Variants in SORCS3 observed in about 807,000 individuals in gnomAD.
The protein encoded by SORCS3 is VPS10 domain-containing receptor SorCS3.
A neutral mutation model predicts 146.3 loss-of-function variants in SORCS3; 57 were observed. That is an observed-to-expected ratio of 0.39 (90% CI 0.31 to 0.49). The LOEUF is 0.49. SORCS3 is among the 20% of genes least tolerant of loss of function. The pLI, the probability that SORCS3 is intolerant of heterozygous loss-of-function variation, is 0.92. For synonymous variants in SORCS3, 653 were observed against 618.5 expected, an observed-to-expected ratio of 1.06 and a Z score of -0.83; for missense variants, 1,341 against 1,575.5, an observed-to-expected ratio of 0.85 and a Z score of 2.52.
intron 4 of SORCS3, among the ~76,000 whole-genome samples, chr10:104,977,730 C>CTTTTTTTTTTT (rs796233007): frequency 7.1e-4 from 87 of 122,844 alleles, no homozygotes; most frequent in East Asian, 1.2e-3. Context: ...CTTTTCTTTT[C>CTTTTTTTTTTT]TTTTTTTTTT....
At chr10:104,768,822 A>G (rs2017212867) in intron 1 of SORCS3, among the ~76,000 whole-genome samples, 2 of 152,176 alleles carry the variant, frequency 1.3e-5, no homozygotes, top group Non-Finnish European at 2.9e-5. Flanking sequence ...ATGACACTGG[A>G]GTGACCTGTC....
intron 1 of SORCS3, among the ~76,000 whole-genome samples, chr10:104,822,628 G>T (rs1184746095): frequency 1.3e-5 from 2 of 152,110 alleles, no homozygotes; most frequent in Non-Finnish European, 2.9e-5. Context: ...TGGGAATATT[G>T]GTGAGGCTGC....
intron 3 of SORCS3, among the ~76,000 whole-genome samples, chr10:104,969,319 G>GTT (rs1394874448): frequency 3.3e-5 from 5 of 150,614 alleles, no homozygotes; most frequent in African/African-American, 1.2e-4. Flanking sequence ...GTGTGTGTGT[G>GTT]TGTGTGTGTG....
intron 25 of SORCS3, among the ~76,000 whole-genome samples, chr10:105,258,011 T>C (rs1391572514): frequency 1.3e-5 from 2 of 152,190 alleles, no homozygotes; most frequent in African/African-American, 4.8e-5. Flanking sequence ...ATAATGCTTT[T>C]AGGTTTTGGT....
intron 1 of SORCS3, among the ~76,000 whole-genome samples, chr10:104,791,186 G>A (rs17186548): frequency 0.16 from 23,822 of 152,188 alleles, 2,321 homozygotes; most frequent in Middle Eastern, 0.29. Flanking sequence ...GTCTGAGAAA[G>A]GCTAGAAAAG....
At chr10:104,667,114 T>TC (rs1167083299) in intron 1 of SORCS3, among the ~76,000 whole-genome samples, 6 of 152,326 alleles carry the variant, frequency 3.9e-5, no homozygotes, top group Admixed American at 6.5e-5. Context: ...CATGATGCTT[T>TC]CAGTGAGGAG....
intron 1 of SORCS3, among the ~76,000 whole-genome samples, chr10:104,710,507 G>C (rs973463801): frequency 6.6e-6 from 1 of 152,210 alleles, no homozygotes; most frequent in African/African-American, 2.4e-5. Context: ...CCATGAAGAA[G>C]AGCAAAGCAA....
chr10:105,145,600 C>T (rs984678692), intron 8 of SORCS3, among the ~76,000 whole-genome samples: 5 of 152,084 alleles, frequency 3.3e-5, no homozygotes, highest in East Asian at 1.9e-4. Flanking sequence ...GAATTTAATT[C>T]GTATTTCCTG....
chr10:104,816,430 T>C (rs1214840769), intron 1 of SORCS3, among the ~76,000 whole-genome samples: 2 of 152,218 alleles, frequency 1.3e-5, no homozygotes, highest in African/African-American at 4.8e-5. Context: ...CTTTGGTGGG[T>C]CTTAGACTAA....
At chr10:104,797,229 G>T (rs1328528457) in intron 1 of SORCS3, among the ~76,000 whole-genome samples, 1 of 152,158 alleles carries the variant, frequency 6.6e-6, no homozygotes, top group African/African-American at 2.4e-5. Context: ...TGACAGAAAA[G>T]AATAATTAGC....
chr10:104,964,451 A>G (rs1379916834), intron 3 of SORCS3, among the ~76,000 whole-genome samples: 1 of 152,124 alleles, frequency 6.6e-6, no homozygotes, highest in Non-Finnish European at 1.5e-5. Flanking sequence ...CTGATATGCC[A>G]CATGTTTTAC....
intron 2 of SORCS3, among the ~76,000 whole-genome samples, chr10:104,847,775 GC>G (rs1173229056): frequency 1.3e-5 from 2 of 152,030 alleles, no homozygotes; most frequent in East Asian, 3.9e-4. Context: ...CCCACCCTTA[GC>G]CTTGCTTTAT....
At chr10:104,921,350 G>A (rs543012925) in intron 3 of SORCS3, among the ~76,000 whole-genome samples, 22 of 152,266 alleles carry the variant, frequency 1.4e-4, no homozygotes, top group Non-Finnish European at 2.9e-4. Flanking sequence ...ATGCAGGCAT[G>A]TTATTGTCTA....
At chr10:105,056,983 A>G (rs1205950856) in intron 5 of SORCS3, among the ~76,000 whole-genome samples, 1 of 152,210 alleles carries the variant, frequency 6.6e-6, no homozygotes, top group Non-Finnish European at 1.5e-5. Context: ...ATATGTACAT[A>G]GTAATCATAA....
intron 16 of SORCS3, among the ~76,000 whole-genome samples, chr10:105,208,910 G>A (rs1035766518): frequency 2.0e-5 from 3 of 152,086 alleles, no homozygotes; most frequent in African/African-American, 7.2e-5. Context: ...TTACTTGGCA[G>A]CAGTGTCTGT....
intron 20 of SORCS3, among the ~76,000 whole-genome samples, chr10:105,243,004 T>C (rs1206651325): frequency 7.6e-6 from 1 of 131,342 alleles, no homozygotes; most frequent in African/African-American, 2.8e-5. Flanking sequence ...TTTATACATG[T>C]ATTTTTATAT....
intron 2 of SORCS3, among the ~76,000 whole-genome samples, chr10:104,844,664 A>G (rs1205159282): frequency 6.6e-6 from 1 of 152,126 alleles, no homozygotes; most frequent in Non-Finnish European, 1.5e-5. Context: ...ATCTCTGTCT[A>G]TTAGTTCCCC....
chr10:104,698,087 A>G (rs188378353), intron 1 of SORCS3, among the ~76,000 whole-genome samples: 193 of 151,988 alleles, frequency 1.3e-3, no homozygotes, highest in African/African-American at 4.5e-3. Flanking sequence ...AATTGGAACA[A>G]CTCTTTCTAG....
chr10:105,020,660 A>G (rs2055192806), intron 4 of SORCS3, among the ~76,000 whole-genome samples: 1 of 152,200 alleles, frequency 6.6e-6, no homozygotes, highest in Non-Finnish European at 1.5e-5. Flanking sequence ...AAAACTTATC[A>G]CGGACAAATA....
Sources: allele counts gnomAD v4.1 joint callset (sites outside exome capture counted in the v4.1 genomes callset), GRCh38; gene constraint gnomAD v4.1.1; transcripts MANE v1.5; gene names NCBI Gene and HGNC (gene_info 2026-07-23, HGNC 2026-07-21).